ARSJ: variants seen among roughly 807,000 people sequenced by gnomAD.
ARSJ encodes the protein arylsulfatase family member J, also known as arylsulfatase J.
ARSJ carries 26 observed loss-of-function variants against 35.9 expected under a neutral mutation model. That is an observed-to-expected ratio of 0.72 (90% CI 0.53 to 1.00). The LOEUF (loss-of-function observed/expected upper bound fraction) is 1.00. Ranked by LOEUF, ARSJ falls within the 50% of genes least tolerant of loss-of-function variation. The pLI is 0.00. For synonymous variants in ARSJ, 294 were observed against 267.6 expected (o/e 1.10, Z -0.96); for missense variants, 667 against 723.6 (o/e 0.92, Z 0.90).
chr4:113,959,342 T>C (rs759562188), intron 1 of ARSJ, among the ~76,000 whole-genome samples: 16 of 152,034 alleles, frequency 1.1e-4, no homozygotes, highest in Non-Finnish European at 2.4e-4. Flanking sequence ...ATGTTTCAAA[T>C]GCACACACTA....
chr4:113,903,102 G>A lies in ARSJ; in HGVS notation c.972C>T (p.Tyr324=), dbSNP rs1263583321. The A allele has an allele frequency of 1.9e-6, 3 of 1,614,204 alleles. No individual in the cohort carries two copies. The highest frequency in any genetic ancestry group is 2.2e-5 in the South Asian group (2 of 91,086). Residue 324 remains tyrosine, a synonymous_variant, in exon 2 of 2, where the codon TAC becomes TAT. Transcript: ENST00000315366. ...YGFYNNSIII[Y]SSDNGGQPTA... Reference sequence around the variant, plus strand: ...TAGGCTGGCCACCATTATCTGAAGAGTAAATGATAATGCTGTTGTTATAGA... The same window carrying A: ...TAGGCTGGCCACCATTATCTGAAGAATAAATGATAATGCTGTTGTTATAGA...
intron 1 of ARSJ, among the ~76,000 whole-genome samples, chr4:113,911,801 A>G (rs1230602612): frequency 6.6e-6 from 1 of 152,204 alleles, no homozygotes; most frequent in Non-Finnish European, 1.5e-5. Context: ...TGACGAATAC[A>G]TTTTAGCTGC....
At position 113,903,332 on chromosome 4, in the gene ARSJ, G is replaced by T. The variant is rs765312998; in HGVS notation, c.742C>A (p.Gln248Lys). 2.0e-5 allele frequency: 32 copies of T among 1,614,148 alleles called. No individual in the cohort carries two copies. Among genetic ancestry groups the T allele is most frequent in the Non-Finnish European group, 2.5e-5 (29 of 1,180,038 alleles). The change falls in exon 2 of 2, where the codon CAA becomes AAA. Residue 248 changes from glutamine (Q) to lysine (K), a missense_variant. Gln to Lys is a moderately conservative substitution (Grantham distance 53, BLOSUM62 1). Transcript: ENST00000315366. The part of the protein sequence containing the change: ...STQMYTQRVQ[Q>K]ILASHNPTKP... Reference sequence around the variant, plus strand: ...GTGGGGTTATGGGAAGCTAAGATTTGCTGTACTCTCTGAGTGTACATCTGT... The same window carrying T: ...GTGGGGTTATGGGAAGCTAAGATTTTCTGTACTCTCTGAGTGTACATCTGT...
chr4:113,932,635 A>G (rs1724528985), intron 1 of ARSJ, among the ~76,000 whole-genome samples: 1 of 152,042 alleles, frequency 6.6e-6, no homozygotes, highest in South Asian at 2.1e-4. Context: ...AATTAAGAAG[A>G]AACATTTAAA....
Position 113,903,237 on chromosome 4 carries a change from G to A in ARSJ, c.837C>T (p.Phe279=), listed in dbSNP as rs201802850. The change falls in exon 2 of 2, where the codon TTC becomes TTT. Residue 279 remains phenylalanine, a synonymous_variant. Coordinates refer to ENST00000315366, the MANE Select transcript of ARSJ (RefSeq NM_024590.4). ...HSPLQAPGRY[F]EHYRSIININ... The stretch of plus-strand genomic sequence containing the variant: ...TGTTGATAATGGATCGGTAGTGTTC[G>A]AAATACCTGCCAGGAGCTTGCAGTG... 2.5e-5 allele frequency: 41 copies of A among 1,614,146 alleles called. No homozygotes were observed. The highest frequency in any genetic ancestry group is 3.3e-5 in the South Asian group (3 of 91,074).
chr4:113,940,628 A>T (rs956344417), intron 1 of ARSJ, among the ~76,000 whole-genome samples: 1 of 151,146 alleles, frequency 6.6e-6, no homozygotes, highest in Non-Finnish European at 1.5e-5. Flanking sequence ...CACATCCTGC[A>T]CATGTACCCT....
At chr4:113,925,620 A>C (rs747139752) in intron 1 of ARSJ, among the ~76,000 whole-genome samples, 8 of 152,178 alleles carry the variant, frequency 5.3e-5, no homozygotes, top group African/African-American at 1.2e-4. Flanking sequence ...CATGAAGCCC[A>C]CTGCCACACT....
At chr4:113,919,919 T>C (rs917204823) in intron 1 of ARSJ, among the ~76,000 whole-genome samples, 2 of 149,072 alleles carry the variant, frequency 1.3e-5, no homozygotes, top group Non-Finnish European at 3.0e-5. Context: ...ACCCTGCTTG[T>C]AAAGTGAGTA....
At chr4:113,945,041 A>G (rs965766089) in intron 1 of ARSJ, among the ~76,000 whole-genome samples, 1 of 152,120 alleles carries the variant, frequency 6.6e-6, no homozygotes, top group Non-Finnish European at 1.5e-5. Flanking sequence ...TAATTTATTT[A>G]GCTTTTGAAG....
intron 1 of ARSJ, among the ~76,000 whole-genome samples, chr4:113,926,343 G>A (rs1724063680): frequency 1.3e-5 from 2 of 152,064 alleles, no homozygotes; most frequent in Non-Finnish European, 2.9e-5. Flanking sequence ...GCACAACCAG[G>A]TGCACTCCTC....
chr4:113,956,430 C>T (rs1726185129), intron 1 of ARSJ, among the ~76,000 whole-genome samples: 2 of 151,922 alleles, frequency 1.3e-5, no homozygotes, highest in Non-Finnish European at 2.9e-5. Context: ...TCGGTGGGAC[C>T]ACACATTCAC....
chr4:113,914,051 G>A (rs1723118570), intron 1 of ARSJ, among the ~76,000 whole-genome samples: 1 of 152,090 alleles, frequency 6.6e-6, no homozygotes, highest in African/African-American at 2.4e-5. Context: ...TCAGCTCACT[G>A]CAACCTCTGC....
intron 1 of ARSJ, among the ~76,000 whole-genome samples, chr4:113,941,424 G>A (rs749808099): frequency 5.9e-5 from 9 of 151,920 alleles, no homozygotes; most frequent in Non-Finnish European, 1.2e-4. Flanking sequence ...AATTTAATAG[G>A]AGAATGCAAA....
chr4:113,954,552 T>A (rs543424242), intron 1 of ARSJ, among the ~76,000 whole-genome samples: 1 of 152,228 alleles, frequency 6.6e-6, no homozygotes, highest in South Asian at 2.1e-4. Context: ...TATTTAAGGT[T>A]AAACATAGAA....
chr4:113,970,423 T>C (rs541597942), intron 1 of ARSJ: 1 of 152,364 alleles, frequency 6.6e-6, no homozygotes, highest in East Asian at 1.9e-4. Context: ...CCATAAAATG[T>C]GGACATTTGT....
In ARSJ at chr4:113,902,002, G is replaced by T. The variant is rs776776954; in HGVS notation, c.*272C>A. 2.9e-5 allele frequency: 24 copies of T among 826,172 alleles called. No homozygotes were observed. The highest frequency in any genetic ancestry group is 5.4e-5 in the South Asian group (3 of 55,466). The allele number at this position is 826,172 out of a possible 1,614,324, so 51.2% of individuals were successfully genotyped here. A position where few individuals can be genotyped will look rare whatever the true frequency, so the allele number is the denominator to read the frequency against. ...GTCAGTTGACTGAAGCACAGCAGTG[G>T]AACTCAGGACTCACCACGTTTTCTA... On this transcript the variant is annotated 3_prime_UTR_variant, in exon 2 of 2. Transcript: ENST00000315366.
At chr4:113,905,868 G>A (rs889117032) in intron 1 of ARSJ, among the ~76,000 whole-genome samples, 3 of 151,612 alleles carry the variant, frequency 2.0e-5, no homozygotes, top group Non-Finnish European at 4.4e-5. Context: ...GCGTTTCACT[G>A]TGTTGGCCAG....
intron 1 of ARSJ, among the ~76,000 whole-genome samples, chr4:113,975,820 T>A (rs1727557619): frequency 6.6e-6 from 1 of 152,204 alleles, no homozygotes; most frequent in African/African-American, 2.4e-5. Context: ...ATCATCACAA[T>A]AACCTGACAT....
At chr4:113,940,902 G>A (rs1470810640) in intron 1 of ARSJ, among the ~76,000 whole-genome samples, 1 of 151,948 alleles carries the variant, frequency 6.6e-6, no homozygotes, top group Non-Finnish European at 1.5e-5. Flanking sequence ...TTAGGGTAAG[G>A]TCTTAGAGGT....
Sources: allele counts gnomAD v4.1 joint callset (sites outside exome capture counted in the v4.1 genomes callset), GRCh38; gene constraint gnomAD v4.1.1; transcripts MANE v1.5; gene names NCBI Gene and HGNC (gene_info 2026-07-23, HGNC 2026-07-21).